Variants in BRINP2 observed in about 807,000 individuals in gnomAD.
BRINP2 encodes the protein BMP/retinoic acid-inducible neural-specific protein 2.
In BRINP2, 21 loss-of-function variants were observed where a neutral mutation model predicts 69.2. The observed-to-expected ratio is 0.30, with a 90% CI of 0.22 to 0.44. The LOEUF is 0.44. Among genes scored for constraint, BRINP2 ranks in the 20% least tolerant of loss-of-function variants. The pLI, the probability that BRINP2 is intolerant of heterozygous loss-of-function variation, is 1.00. For missense variants in BRINP2, 877 were observed against 986.0 expected (o/e 0.89, Z 1.48); for synonymous variants, 380 against 394.1 (o/e 0.96, Z 0.42).
chr1:177,276,648 T>C (rs976631315), intron 6 of BRINP2, among the ~76,000 whole-genome samples: 2 of 152,234 alleles, frequency 1.3e-5, no homozygotes, highest in African/African-American at 2.4e-5. Context: ...TCCATTTACA[T>C]AGGTGTGTTT....
intron 1 of BRINP2, among the ~76,000 whole-genome samples, chr1:177,192,271 G>A (rs1481124310): frequency 2.0e-5 from 3 of 152,154 alleles, no homozygotes; most frequent in African/African-American, 7.2e-5. Flanking sequence ...AATGGAAAGG[G>A]TTGACTTTTT....
At chr1:177,211,664 A>G (rs1186141526) in intron 1 of BRINP2, among the ~76,000 whole-genome samples, 1 of 152,188 alleles carries the variant, frequency 6.6e-6, no homozygotes, top group African/African-American at 2.4e-5. Flanking sequence ...AAGTGATTCT[A>G]TGATCTCACT....
intron 1 of BRINP2, among the ~76,000 whole-genome samples, chr1:177,211,236 C>G (rs1649212913): frequency 6.6e-6 from 1 of 151,928 alleles, no homozygotes; most frequent in South Asian, 2.1e-4. Context: ...CAATGTTGGC[C>G]CCATCAACTG....
At chr1:177,208,623 T>A (rs2102309084) in intron 1 of BRINP2, among the ~76,000 whole-genome samples, 1 of 152,306 alleles carries the variant, frequency 6.6e-6, no homozygotes, top group Non-Finnish European at 1.5e-5. Context: ...ACAGATTTTT[T>A]TTTTCTTCAT....
At chr1:177,217,480 T>G (rs1276740576) in intron 1 of BRINP2, among the ~76,000 whole-genome samples, 1 of 152,234 alleles carries the variant, frequency 6.6e-6, no homozygotes, top group Admixed American at 6.5e-5. Flanking sequence ...CTGAATTTTT[T>G]TTTCTGTCCT....
chr1:177,246,259 AC>A (rs2102337454), intron 2 of BRINP2, among the ~76,000 whole-genome samples: 1 of 152,328 alleles, frequency 6.6e-6, no homozygotes, highest in East Asian at 1.9e-4. Flanking sequence ...ACAAAGGTGG[AC>A]AGTACTCCCT....
At chr1:177,193,961 A>G (rs1474265224) in intron 1 of BRINP2, among the ~76,000 whole-genome samples, 1 of 152,242 alleles carries the variant, frequency 6.6e-6, no homozygotes, top group African/African-American at 2.4e-5. Flanking sequence ...ATAGTTATCA[A>G]GAAAATTGAC....
At chr1:177,213,425 C>T (rs1172544874) in intron 1 of BRINP2, among the ~76,000 whole-genome samples, 1 of 152,064 alleles carries the variant, frequency 6.6e-6, no homozygotes, top group Admixed American at 6.6e-5. Flanking sequence ...CCTTCTCCTT[C>T]CCTAATTGAG....
At position 177,280,796 on chromosome 1, in the gene BRINP2, C is replaced by T. The variant is rs201211995; in HGVS notation, c.1620C>T (p.Ser540=). ...IFISNDMRLG[S]WFDPSWRKRM... ...TCAGCAATGACATGCGGCTGGGCAGCTGGTTTGACCCTTCCTGGAGGAAGC... is the reference window on the plus strand; with the variant it reads ...TCAGCAATGACATGCGGCTGGGCAGTTGGTTTGACCCTTCCTGGAGGAAGC... The change falls in exon 8 of 8, where the codon AGC becomes AGT. Residue 540 remains serine, a synonymous_variant. Coordinates refer to ENST00000361539, the MANE Select transcript of BRINP2 (RefSeq NM_021165.4). 1.8e-5 allele frequency: 29 copies of T among 1,614,088 alleles called. No homozygotes were observed. In the East Asian group the frequency reaches 6.2e-4, roughly 35 times the overall value.
At chr1:177,275,435 G>A (rs1651460449) in intron 5 of BRINP2, among the ~76,000 whole-genome samples, 1 of 152,266 alleles carries the variant, frequency 6.6e-6, no homozygotes. Context: ...TATTGAAATA[G>A]GACAGCCAGT....
At chr1:177,277,882 G>C (rs1194048799) in intron 6 of BRINP2, among the ~76,000 whole-genome samples, 2 of 152,172 alleles carry the variant, frequency 1.3e-5, no homozygotes, top group African/African-American at 4.8e-5. Context: ...AGAAGCCATG[G>C]TGTGCCCAGG....
intron 4 of BRINP2, among the ~76,000 whole-genome samples, chr1:177,263,371 G>A (rs1651019667): frequency 6.6e-6 from 1 of 152,216 alleles, no homozygotes; most frequent in African/African-American, 2.4e-5. Flanking sequence ...CAGGTAGTGG[G>A]TGCTAAGAGT....
intron 2 of BRINP2, among the ~76,000 whole-genome samples, chr1:177,238,527 A>T (rs1364451525): frequency 6.6e-6 from 1 of 152,204 alleles, no homozygotes; most frequent in African/African-American, 2.4e-5. Flanking sequence ...GCTGACTGTG[A>T]GGAGGGGGAG....
chr1:177,281,274 T>C lies in BRINP2; in HGVS notation c.2098T>C (p.Leu700=), dbSNP rs1237227543. 1 of 1,614,064 alleles carries C rather than the reference T, an allele frequency of 6.2e-7. No homozygotes were observed. The highest frequency in any genetic ancestry group is 1.3e-5 in the African/African-American group (1 of 74,918). The part of the protein sequence containing the change: ...LPFDPDAIRD[L]ILQLDYPYTQ... ...CTTTGACCCAGATGCTATCCGGGAC[T>C]TAATTCTCCAGTTGGACTACCCATA... Residue 700 remains leucine (L), a synonymous_variant, in exon 8 of 8, where the codon TTA becomes CTA. Coordinates refer to ENST00000361539, the MANE Select transcript of BRINP2 (RefSeq NM_021165.4).
rs530870324 is a variant in BRINP2 at position 177,262,872 on chromosome 1, G to T, written c.669+5488G>T. ...GATAAACACAGTAGATTTCTGGGTAGCACTGAGAGCCCGCTTCGGTGGCCA... is the reference window on the plus strand; with the variant it reads ...GATAAACACAGTAGATTTCTGGGTATCACTGAGAGCCCGCTTCGGTGGCCA... On this transcript the variant is annotated intron_variant, in intron 4 of 7. Coordinates refer to ENST00000361539, the MANE Select transcript of BRINP2 (RefSeq NM_021165.4). Among the ~76,000 whole-genome samples, 194 of 152,194 alleles carry T rather than the reference G, an allele frequency of 1.3e-3. 4 individuals carry two copies. The highest frequency in any genetic ancestry group is 3.5e-3 in the East Asian group (18 of 5,178).
intron 2 of BRINP2, among the ~76,000 whole-genome samples, chr1:177,253,093 T>C (rs184815032): frequency 1.3e-5 from 2 of 152,266 alleles, no homozygotes; most frequent in Admixed American, 1.3e-4. Flanking sequence ...CATATGTTAG[T>C]TCTATTTTTA....
intron 2 of BRINP2, among the ~76,000 whole-genome samples, chr1:177,251,783 T>C (rs547912542): frequency 1.1e-4 from 17 of 152,338 alleles, no homozygotes; most frequent in Admixed American, 2.0e-4. Context: ...TTTTATTTAT[T>C]ATATTTAATT....
At chr1:177,251,546 CT>C (rs1208717515) in intron 2 of BRINP2, among the ~76,000 whole-genome samples, 1 of 152,178 alleles carries the variant, frequency 6.6e-6, no homozygotes, top group Non-Finnish European at 1.5e-5. Flanking sequence ...TTCTTAATCT[CT>C]CTGGGTCCAA....
intron 6 of BRINP2, 84 bp from the exon 7 acceptor site, chr1:177,278,479 C>G (rs1331522692): frequency 3.0e-6 from 4 of 1,319,128 alleles, no homozygotes; most frequent in South Asian, 1.2e-5. Context: ...TTTGAAGGGC[C>G]CTGGATCTGG....
Sources: allele counts gnomAD v4.1 joint callset (sites outside exome capture counted in the v4.1 genomes callset), GRCh38; gene constraint gnomAD v4.1.1; transcripts MANE v1.5; gene names NCBI Gene and HGNC (gene_info 2026-07-23, HGNC 2026-07-21).